The following RBFOX1 variants were observed in gnomAD, a reference collection of about 807,000 sequenced individuals.
The protein encoded by RBFOX1 is RNA binding fox-1 homolog 1.
Under a neutral mutation model 57.7 loss-of-function variants are expected in RBFOX1, and 8 were observed. That is an observed-to-expected ratio of 0.14 (90% CI 0.08 to 0.25). The LOEUF is 0.25. RBFOX1 is among the 10% of genes least tolerant of loss of function. The pLI is 1.00. For synonymous variants in RBFOX1, 326 were observed against 222.4 expected (o/e 1.47, Z -4.15); for missense variants, 611 against 548.5 (o/e 1.11, Z -1.14).
At chr16:5,559,462 G>A (rs9888774) in intron 2 of RBFOX1, among the ~76,000 whole-genome samples, 107,668 of 152,038 alleles carry the variant, frequency 0.71, 38,260 homozygotes, top group South Asian at 0.82. Context: ...AAAACAAGCC[G>A]AACAAGGCTA....
chr16:6,781,201 T>A (rs2080960550), intron 3 of RBFOX1, among the ~76,000 whole-genome samples: 1 of 152,156 alleles, frequency 6.6e-6, no homozygotes. Context: ...TAGTGTTTGG[T>A]CTTCATTATG....
At chr16:6,112,694 A>G (rs1052142357) in intron 1 of RBFOX1, among the ~76,000 whole-genome samples, 1 of 152,208 alleles carries the variant, frequency 6.6e-6, no homozygotes, top group African/African-American at 2.4e-5. Flanking sequence ...TCCGTCTCAA[A>G]AAAACACCTG....
At chr16:6,607,971 A>G (rs1217413960) in intron 2 of RBFOX1, among the ~76,000 whole-genome samples, 1 of 152,170 alleles carries the variant, frequency 6.6e-6, no homozygotes, top group South Asian at 2.1e-4. Context: ...CTAAAACCTT[A>G]ACTCTGACCC....
Position 7,273,133 on chromosome 16 carries a change from T to C in RBFOX1, c.27+221035T>C, listed in dbSNP as rs2095363173. ...TTCCCTCTCTCCCTCCCTTTCCTCC[T>C]TCCCTGCTTCCTTCTTTCTCCTTCC... is the stretch of plus-strand genomic sequence containing the variant. On this transcript the variant is annotated intron_variant, in intron 4 of 15. Transcript: ENST00000550418. 1.7e-5 allele frequency among the ~76,000 whole-genome samples: 2 copies of C among 117,166 alleles called. 1 individual carries two copies. Among genetic ancestry groups the C allele is most frequent in the African/African-American group, 7.1e-5 (2 of 28,308 alleles). The allele number at this position is 117,166 out of a possible 152,430, so 76.9% of individuals were successfully genotyped here.
chr16:7,631,722 G>A (rs746340964), intron 11 of RBFOX1, among the ~76,000 whole-genome samples: 4 of 152,136 alleles, frequency 2.6e-5, no homozygotes, highest in Non-Finnish European at 4.4e-5. Context: ...GATAAGAGAC[G>A]TAGGAGAATC....
In RBFOX1 at chr16:6,415,390, A is replaced by G. The variant is rs577848456; in HGVS notation, c.-64+98333A>G. 2.0e-5 allele frequency among the ~76,000 whole-genome samples: 3 copies of G among 152,052 alleles called. No homozygotes were observed. In the East Asian group the frequency reaches 5.8e-4, roughly 29 times the overall value. Reference sequence around the variant, plus strand: ...AGCTCATACAGCTAGGAAGAAGATGATGCGTTTAAAACTGGAGAGTCTGGG... The same window carrying G: ...AGCTCATACAGCTAGGAAGAAGATGGTGCGTTTAAAACTGGAGAGTCTGGG... On this transcript the variant is annotated intron_variant, in intron 2 of 15. Coordinates refer to ENST00000550418, the MANE Select transcript of RBFOX1 (RefSeq NM_018723.4).
intron 1 of RBFOX1, among the ~76,000 whole-genome samples, chr16:6,069,048 A>C (rs1358205599): frequency 6.6e-6 from 1 of 152,096 alleles, no homozygotes; most frequent in Non-Finnish European, 1.5e-5. Flanking sequence ...AAGGAAGGGA[A>C]GGAGAGAAGG....
chr16:6,886,914 A>T (rs2064184264), intron 3 of RBFOX1, among the ~76,000 whole-genome samples: 1 of 152,218 alleles, frequency 6.6e-6, no homozygotes, highest in South Asian at 2.1e-4. Context: ...CAATGAGGTC[A>T]GGTGTCTGTG....
At chr16:7,260,300 T>C (rs146854079) in intron 4 of RBFOX1, among the ~76,000 whole-genome samples, 9 of 152,324 alleles carry the variant, frequency 5.9e-5, no homozygotes, top group Non-Finnish European at 1.3e-4. Context: ...TGCTTCACTT[T>C]TGGTTTGAAT....
intron 4 of RBFOX1, among the ~76,000 whole-genome samples, chr16:7,079,602 A>G (rs1021173176): frequency 7.9e-5 from 12 of 152,210 alleles, no homozygotes; most frequent in Admixed American, 2.0e-4. Context: ...AAAATGCCAT[A>G]TTGAATAAGT....
intron 7 of RBFOX1, among the ~76,000 whole-genome samples, chr16:7,591,643 T>C (rs564496260): frequency 2.6e-5 from 4 of 152,266 alleles, no homozygotes; most frequent in Non-Finnish European, 4.4e-5. Context: ...TCAGTAGCAT[T>C]AAAGGTAAAC....
chr16:6,766,027 A>G (rs1018569700), intron 3 of RBFOX1, among the ~76,000 whole-genome samples: 2 of 152,124 alleles, frequency 1.3e-5, no homozygotes, highest in African/African-American at 4.8e-5. Flanking sequence ...ATTTAGTACA[A>G]CGTACACTAC....
intron 1 of RBFOX1, among the ~76,000 whole-genome samples, chr16:6,287,109 C>G (rs1017621242): frequency 3.9e-5 from 6 of 152,092 alleles, no homozygotes; most frequent in Admixed American, 6.6e-5. Context: ...GAAGGCACAC[C>G]TCACCCAAGG....
rs549071780 is a variant in RBFOX1 at position 6,400,206 on chromosome 16, T to A, written c.-64+83149T>A. On this transcript the variant is annotated intron_variant, in intron 2 of 15. Transcript: ENST00000550418. Reference sequence around the variant, plus strand: ...CCCTCAAAGTAGACTACATGTTGGGTATGAAATCTTAATGCATTTAAATTT... The same window carrying A: ...CCCTCAAAGTAGACTACATGTTGGGAATGAAATCTTAATGCATTTAAATTT... 7.2e-5 allele frequency among the ~76,000 whole-genome samples: 11 copies of A among 152,324 alleles called. No individual in the cohort carries two copies. The East Asian group carries it at 1.7e-3, about 24-fold the overall frequency.
At chr16:7,111,466 A>G (rs776464726) in intron 4 of RBFOX1, among the ~76,000 whole-genome samples, 2 of 152,148 alleles carry the variant, frequency 1.3e-5, no homozygotes, top group Non-Finnish European at 2.9e-5. Flanking sequence ...CTTTGATTAT[A>G]TTACATTTTT....
chr16:6,693,131 T>G (rs2060472387), intron 3 of RBFOX1, among the ~76,000 whole-genome samples: 1 of 150,074 alleles, frequency 6.7e-6, no homozygotes, highest in Non-Finnish European at 1.5e-5. Flanking sequence ...ATCACCATCA[T>G]CATCACCATC....
At chr16:7,379,694 G>A (rs1037752018) in intron 4 of RBFOX1, among the ~76,000 whole-genome samples, 1 of 151,930 alleles carries the variant, frequency 6.6e-6, no homozygotes, top group Non-Finnish European at 1.5e-5. Context: ...TATTTCTTAA[G>A]CTGGGTAGTA....
At chr16:5,616,054 TC>T (rs2048013098) in intron 3 of RBFOX1, 2 of 152,556 alleles carry the variant, frequency 1.3e-5, no homozygotes, top group South Asian at 4.1e-4. Context: ...TCCACTCCCC[TC>T]CCTGCTCCGG....
At position 6,751,920 on chromosome 16, in the gene RBFOX1, T is replaced by G. The variant is rs2074998303; in HGVS notation, c.-16+97270T>G. On this transcript the variant is annotated intron_variant, in intron 3 of 15. Transcript: ENST00000550418. Reference sequence around the variant, plus strand: ...TATGAATTTTCCAGGGGTGCCAGCGTGAGTCCAGGCTTTAACAAACAATAT... The same window carrying G: ...TATGAATTTTCCAGGGGTGCCAGCGGGAGTCCAGGCTTTAACAAACAATAT... Among the ~76,000 whole-genome samples, 3 of 152,154 alleles carry G rather than the reference T, an allele frequency of 2.0e-5. No individual in the cohort carries two copies. In the South Asian group the frequency reaches 6.2e-4, roughly 32 times the overall value.
Sources: allele counts gnomAD v4.1 joint callset (sites outside exome capture counted in the v4.1 genomes callset), GRCh38; gene constraint gnomAD v4.1.1; transcripts MANE v1.5; gene names NCBI Gene and HGNC (gene_info 2026-07-23, HGNC 2026-07-21).